The following AHCYL2 variants were observed in gnomAD, a reference collection of about 807,000 sequenced individuals.
AHCYL2 encodes S-adenosylhomocysteine hydrolase-like protein 2.
AHCYL2 carries 28 observed loss-of-function variants against 81.4 expected under a neutral mutation model. The observed-to-expected ratio is 0.34, with a 90% CI of 0.25 to 0.47. The LOEUF is 0.47. Ranked by LOEUF, AHCYL2 falls within the 20% of genes least tolerant of loss-of-function variation. The pLI, the probability that AHCYL2 is intolerant of heterozygous loss-of-function variation, is 1.00. For synonymous variants in AHCYL2, 272 were observed against 290.2 expected (o/e 0.94, Z 0.64); for missense variants, 551 against 785.1 (o/e 0.70, Z 3.56).
intron 1 of AHCYL2, among the ~76,000 whole-genome samples, chr7:129,347,636 G>GA (rs1440863392): frequency 1.3e-5 from 2 of 151,742 alleles, no homozygotes; most frequent in East Asian, 3.9e-4. Context: ...TCTGTTTTTT[G>GA]TTTTTTTGGT....
At chr7:129,274,741 G>T (rs1469022879) in intron 1 of AHCYL2, among the ~76,000 whole-genome samples, 2 of 152,258 alleles carry the variant, frequency 1.3e-5, no homozygotes, top group South Asian at 4.1e-4. Context: ...CAGATGGAGA[G>T]GACACATGTA....
chr7:129,379,023 A>G (rs561867261), intron 1 of AHCYL2, among the ~76,000 whole-genome samples: 20 of 152,128 alleles, frequency 1.3e-4, no homozygotes, highest in Non-Finnish European at 1.8e-4. Flanking sequence ...GCTCATGCCT[A>G]TAATCCCAGC....
At chr7:129,240,785 A>C (rs1411463036) in intron 1 of AHCYL2, among the ~76,000 whole-genome samples, 2 of 152,100 alleles carry the variant, frequency 1.3e-5, no homozygotes, top group African/African-American at 4.8e-5. Flanking sequence ...ATCCAGAAAC[A>C]CTGTGCCCAT....
At chr7:129,275,688 T>C (rs1421586953) in intron 1 of AHCYL2, among the ~76,000 whole-genome samples, 3 of 152,160 alleles carry the variant, frequency 2.0e-5, no homozygotes, top group African/African-American at 4.8e-5. Flanking sequence ...ATGCATCTTA[T>C]AGCATGGCCT....
chr7:129,320,109 A>G (rs1027610439), intron 1 of AHCYL2, among the ~76,000 whole-genome samples: 4 of 152,076 alleles, frequency 2.6e-5, no homozygotes, highest in African/African-American at 4.8e-5. Context: ...TTAATTTGCA[A>G]TTCCATAATG....
chr7:129,409,639 C>T, intron 11 of AHCYL2, 93 bp downstream of exon 11: 3 of 1,100,392 alleles, frequency 2.7e-6, no homozygotes, highest in South Asian at 3.0e-5. Context: ...AAACCAAACT[C>T]TAAAAGCTAG....
chr7:129,284,476 G>A (rs931781962), intron 1 of AHCYL2, among the ~76,000 whole-genome samples: 1 of 151,992 alleles, frequency 6.6e-6, no homozygotes, highest in Non-Finnish European at 1.5e-5. Context: ...GCATGTGCCT[G>A]TAATCCCAGC....
intron 1 of AHCYL2, among the ~76,000 whole-genome samples, chr7:129,330,651 C>T (rs529800857): frequency 1.3e-5 from 2 of 151,342 alleles, no homozygotes; most frequent in African/African-American, 2.4e-5. Flanking sequence ...TTAGTAGAGA[C>T]GAGGTTTCAC....
chr7:129,235,529 C>T (rs1021543883), intron 1 of AHCYL2, among the ~76,000 whole-genome samples: 8 of 152,106 alleles, frequency 5.3e-5, no homozygotes, highest in African/African-American at 1.4e-4. Flanking sequence ...CTCAAGCAAT[C>T]CTCCCACCTC....
chr7:129,352,693 C>T (rs1170539838), intron 1 of AHCYL2, among the ~76,000 whole-genome samples: 2 of 152,150 alleles, frequency 1.3e-5, no homozygotes, highest in Non-Finnish European at 2.9e-5. Flanking sequence ...TTTTCTCCAC[C>T]TTTGCCATTA....
At chr7:129,322,217 G>C (rs1439068944) in intron 1 of AHCYL2, among the ~76,000 whole-genome samples, 1 of 152,036 alleles carries the variant, frequency 6.6e-6, no homozygotes, top group East Asian at 1.9e-4. Flanking sequence ...TTGGCTCACT[G>C]CAACCTCTTC....
chr7:129,239,124 ACACT>A (rs1794747220), intron 1 of AHCYL2, among the ~76,000 whole-genome samples: 1 of 152,238 alleles, frequency 6.6e-6, no homozygotes, highest in Non-Finnish European at 1.5e-5. Flanking sequence ...GTCATGTATA[ACACT>A]CAAGCTAATC....
intron 1 of AHCYL2, among the ~76,000 whole-genome samples, chr7:129,250,250 A>T (rs1224153734): frequency 6.6e-6 from 1 of 152,230 alleles, no homozygotes; most frequent in African/African-American, 2.4e-5. Flanking sequence ...TCCAGCTGGG[A>T]TGACAGAGTG....
At position 129,225,503 on chromosome 7, in the gene AHCYL2, G is replaced by C. The variant is rs577237718; in HGVS notation, c.363+64G>C. 1.2e-5 allele frequency: 17 copies of C among 1,422,166 alleles called. No homozygotes were observed. In the East Asian group the frequency reaches 1.5e-4, roughly 13 times the overall value. 88.1% of individuals were successfully genotyped at this position (1,422,166 alleles called of 1,614,324 possible). A position where few individuals can be genotyped will look rare whatever the true frequency, so the allele number is the denominator to read the frequency against. ...GGGGAGGGGAACTGCAGATCCTCTC[G>C]GCACGGCGGCACCACCCTCCACGCC... On this transcript the variant is annotated intron_variant, in intron 1 of 16. Transcript: ENST00000325006.
In AHCYL2 at chr7:129,406,497, A is replaced by G. The variant is rs775814382; in HGVS notation, c.1295+31A>G. On this transcript the variant is annotated intron_variant, in intron 10 of 16. Coordinates refer to ENST00000325006, the MANE Select transcript of AHCYL2 (RefSeq NM_015328.4). This position sits in a 1 kb window ranked among gnomAD's most constrained non-coding sequence, Gnocchi z 4.3. ...CCTCTACGCTACCATCTCACTTGCA[A>G]TCTCGGAGCTGTCTCCAAAGAATGG... The G allele has an allele frequency of 8.1e-6, 13 of 1,601,668 alleles. No individual in the cohort carries two copies. Among genetic ancestry groups the G allele is most frequent in the East Asian group, 4.5e-5 (2 of 44,816 alleles).
chr7:129,320,949 G>A (rs557437870), intron 1 of AHCYL2, among the ~76,000 whole-genome samples: 1 of 152,234 alleles, frequency 6.6e-6, no homozygotes, highest in East Asian at 1.9e-4. Flanking sequence ...GCCAAGTAAT[G>A]TTACATTGTA....
At chr7:129,342,542 C>T (rs935271844) in intron 1 of AHCYL2, among the ~76,000 whole-genome samples, 1 of 152,060 alleles carries the variant, frequency 6.6e-6, no homozygotes, top group Non-Finnish European at 1.5e-5. Context: ...TTAGAGAATG[C>T]GGCTATGTAG....
Position 129,405,165 on chromosome 7 carries a change from A to G in AHCYL2, c.1094A>G (p.Lys365Arg). 1 of 1,607,932 alleles carries G rather than the reference A, an allele frequency of 6.2e-7. No individual in the cohort carries two copies. Among genetic ancestry groups the G allele is most frequent in the Non-Finnish European group, 8.5e-7 (1 of 1,177,376 alleles). The change falls in exon 8 of 17, where the codon AAA (lysine) becomes AGA (arginine). Residue 365 changes from lysine to arginine, a missense_variant. Coordinates refer to ENST00000325006, the MANE Select transcript of AHCYL2 (RefSeq NM_015328.4). ...PAMNVNDSVT[K>R]QKFDNLYCCR... ...ATGAATGTCAATGACTCAGTCACCA[A>G]ACAGAAATTTGACAACCTCTACTGT...
chr7:129,330,988 T>C (rs1038769356), intron 1 of AHCYL2, among the ~76,000 whole-genome samples: 32 of 152,206 alleles, frequency 2.1e-4, no homozygotes, highest in Non-Finnish European at 4.1e-4. Flanking sequence ...CCATCAGAGA[T>C]TGTTTTCTAA....
Sources: gnomAD v4.1 joint callset for allele counts (sites outside exome capture counted in the v4.1 genomes callset) on GRCh38, gnomAD v4.1.1 for gene constraint, Gnocchi (gnomAD v3.1) non-coding constraint, MANE v1.5 for transcripts, NCBI Gene and HGNC (gene_info 2026-07-23, HGNC 2026-07-21) for gene names.